Variants in FRY observed in about 807,000 individuals in gnomAD.
FRY encodes protein furry homolog.
A neutral mutation model predicts 348.4 loss-of-function variants in FRY; 128 were observed. That is an observed-to-expected ratio of 0.37 (90% CI 0.32 to 0.43). The LOEUF is 0.43. FRY is among the 20% of genes least tolerant of loss of function. FRY has a pLI of 1.00. For missense variants in FRY, 2,736 were observed against 3,695.2 expected (o/e 0.74, Z 6.73); for synonymous variants, 1,370 against 1,374.7 (o/e 1.00, Z 0.08).
chr13:32,117,829 C>A (rs796983925), intron 4 of FRY, among the ~76,000 whole-genome samples: 12 of 152,264 alleles, frequency 7.9e-5, no homozygotes, highest in African/African-American at 2.9e-4. Flanking sequence ...ATATTTTAGT[C>A]CTCGTTCCAG....
intron 11 of FRY, among the ~76,000 whole-genome samples, chr13:32,146,507 T>C (rs1880468003): frequency 6.6e-6 from 1 of 152,126 alleles, no homozygotes; most frequent in Admixed American, 6.5e-5. Flanking sequence ...AGCTAATTTT[T>C]GTATTTTTAG....
intron 36 of FRY, among the ~76,000 whole-genome samples, chr13:32,222,761 T>C (rs1566144942): frequency 1.3e-5 from 2 of 152,240 alleles, no homozygotes; most frequent in Non-Finnish European, 1.5e-5. Context: ...ATACCTATCA[T>C]TGGGCCATTA....
chr13:32,169,361 C>T (rs774470565), intron 17 of FRY, among the ~76,000 whole-genome samples: 1 of 152,168 alleles, frequency 6.6e-6, no homozygotes, highest in Non-Finnish European at 1.5e-5. Context: ...TAATAGCTAA[C>T]GTTACTGAGT....
intron 41 of FRY, among the ~76,000 whole-genome samples, chr13:32,232,392 A>G (rs921549936): frequency 2.0e-5 from 3 of 152,182 alleles, no homozygotes; most frequent in African/African-American, 7.2e-5. Context: ...TGTTTTCTCT[A>G]TACATACACA....
At chr13:32,186,620 G>C (rs1883043190) in intron 27 of FRY, among the ~76,000 whole-genome samples, 200 bp downstream of exon 27, 1 of 151,974 alleles carries the variant, frequency 6.6e-6, no homozygotes, top group African/African-American at 2.4e-5. Flanking sequence ...TATTTCTCCT[G>C]TATGGGAACC....
rs749452444 is a variant in FRY, at chr13:32,149,809, C to T, written c.1454C>T (p.Ala485Val). ...IFDFLCVGKP[A>V]KAFSLNPERM... ...GATTTTCTTTGTGTGGGAAAACCAG[C>T]AAAAGCATTCAGTCTCAACCCAGAG... The change falls in exon 14 of 61, where the codon GCA becomes GTA. Residue 485 changes from alanine (A) to valine (V), a missense_variant. Ala to Val is a moderately conservative substitution (Grantham distance 64). Coordinates refer to ENST00000542859, the MANE Select transcript of FRY (RefSeq NM_023037.3). The T allele has an allele frequency of 2.1e-5, 33 of 1,607,764 alleles. No homozygotes were observed. In the South Asian group the frequency reaches 3.1e-4, roughly 15 times the overall value.
At chr13:32,206,717 G>T (rs1396813564) in intron 31 of FRY, among the ~76,000 whole-genome samples, 1 of 152,180 alleles carries the variant, frequency 6.6e-6, no homozygotes, top group African/African-American at 2.4e-5. Context: ...TTTCCTTGAA[G>T]AATTACCTTT....
chr13:32,077,852 GTTACCCAAAGCTAAATAC>G (rs1875188808), intron 1 of FRY, among the ~76,000 whole-genome samples: 1 of 152,072 alleles, frequency 6.6e-6, no homozygotes, highest in Non-Finnish European at 1.5e-5. Flanking sequence ...TCCATATCCA[GTTACCCAAAGCTAAATAC>G]TTATGTTTAA....
chr13:32,144,652 A>G (rs1267503835), intron 11 of FRY, among the ~76,000 whole-genome samples: 1 of 152,206 alleles, frequency 6.6e-6, no homozygotes, highest in African/African-American at 2.4e-5. Flanking sequence ...GAATCATATG[A>G]CTAAATAAAT....
chr13:32,194,042 T>A, intron 28 of FRY, 101 bp from the exon 29 acceptor site: 1 of 1,193,798 alleles, frequency 8.4e-7, no homozygotes, highest in Non-Finnish European at 1.3e-6. Flanking sequence ...GGTCTTCCCT[T>A]TCATTTTACT....
intron 19 of FRY, among the ~76,000 whole-genome samples, chr13:32,173,871 T>C (rs1385021203): frequency 6.6e-6 from 1 of 152,248 alleles, no homozygotes; most frequent in Admixed American, 6.5e-5. Context: ...GAAGATATTA[T>C]TACTTTATAT....
At position 32,236,129 on chromosome 13, in the gene FRY, T is replaced by A; in HGVS notation, c.5767T>A (p.Ser1923Thr). 1 of 1,614,056 alleles carries A rather than the reference T, an allele frequency of 6.2e-7. No homozygotes were observed. The highest frequency in any genetic ancestry group is 8.5e-7 in the Non-Finnish European group (1 of 1,179,946). The change falls in exon 43 of 61, where the codon TCT becomes ACT. Residue 1923 changes from serine to threonine, a missense_variant. Ser to Thr is a moderately conservative substitution (Grantham distance 58). Transcript: ENST00000542859. ...LTLEAAVDNLSDCLKNSDLLT... is the reference protein window; with the variant it reads ...LTLEAAVDNLTDCLKNSDLLT... ...CTTGGAGGCGGCTGTGGATAACTTG[T>A]CTGACTGCTTGAAGAACAGTGACCT...
At chr13:32,168,524 G>C (rs1306254826) in intron 17 of FRY, among the ~76,000 whole-genome samples, 1 of 152,220 alleles carries the variant, frequency 6.6e-6, no homozygotes, top group Non-Finnish European at 1.5e-5. Context: ...TGGAAAAAAA[G>C]ATAGATATGC....
At chr13:32,094,514 C>T (rs962600241) in intron 2 of FRY, among the ~76,000 whole-genome samples, 1 of 152,106 alleles carries the variant, frequency 6.6e-6, no homozygotes. Flanking sequence ...ACTAACCCCC[C>T]ACTATCCTTC....
chr13:32,274,561 A>G (rs185182187), intron 55 of FRY, among the ~76,000 whole-genome samples: 7,246 of 151,494 alleles, frequency 0.048, 240 homozygotes, highest in African/African-American at 0.091. Context: ...AAAATTAGCC[A>G]GGCGTGGTGG....
chr13:32,202,207 C>G (rs1884069941), intron 30 of FRY, 149 bp from the exon 31 acceptor site: 1 of 766,452 alleles, frequency 1.3e-6, no homozygotes, highest in African/African-American at 2.0e-5. Context: ...TGTAAACATA[C>G]TAATTAAACT....
chr13:32,098,419 C>G (rs1216369721), intron 2 of FRY, among the ~76,000 whole-genome samples: 1 of 151,910 alleles, frequency 6.6e-6, no homozygotes. Context: ...CTGGGGCCTG[C>G]CACCTAGCAG....
chr13:32,211,329 C>T (rs1172940295), intron 34 of FRY, among the ~76,000 whole-genome samples: 4 of 152,138 alleles, frequency 2.6e-5, no homozygotes, highest in African/African-American at 2.4e-5. Context: ...TGTGGTGGCA[C>T]GCGCCAGTAC....
chr13:32,178,541 C>A, intron 21 of FRY, 105 bp downstream of exon 21: 2 of 1,252,988 alleles, frequency 1.6e-6, no homozygotes, highest in Non-Finnish European at 2.3e-6. Flanking sequence ...AATTTCTGAA[C>A]TTCCTACTAG....
Sources: gnomAD v4.1 joint callset for allele counts (sites outside exome capture counted in the v4.1 genomes callset) on GRCh38, gnomAD v4.1.1 for gene constraint, MANE v1.5 for transcripts, NCBI Gene and HGNC (gene_info 2026-07-23, HGNC 2026-07-21) for gene names.